Variants in SREBF2 observed in about 807,000 individuals in gnomAD.
SREBF2 encodes the protein sterol regulatory element binding transcription factor 2, also known as sterol regulatory element-binding protein 2.
Under a neutral mutation model 113.1 loss-of-function variants are expected in SREBF2, and 55 were observed. That is an observed-to-expected ratio of 0.49 (90% CI 0.39 to 0.61). The LOEUF (loss-of-function observed/expected upper bound fraction) is 0.61. Among genes scored for constraint, SREBF2 ranks in the 20% least tolerant of loss-of-function variants. The pLI is 0.00. For missense variants in SREBF2, 1,349 were observed against 1,487.4 expected (o/e 0.91, Z 1.53); for synonymous variants, 593 against 605.7 (o/e 0.98, Z 0.31).
intron 11 of SREBF2, among the ~76,000 whole-genome samples, chr22:41,892,073 A>G (rs2077368996): frequency 6.6e-6 from 1 of 152,118 alleles, no homozygotes; most frequent in African/African-American, 2.4e-5. Context: ...TGTTCACATC[A>G]GGGGCTCATG....
At chr22:41,870,834 G>A (rs2077133388) in intron 3 of SREBF2, 55 bp from the exon 4 acceptor site, 1 of 1,603,402 alleles carries the variant, frequency 6.2e-7, no homozygotes, top group African/African-American at 1.3e-5. Context: ...AGAAAGGAAT[G>A]CATAACAGAA....
rs2077495038 is a variant in SREBF2, at chr22:41,905,031, G to A, written c.3205+57G>A. 7 of 1,458,002 alleles carry A rather than the reference G, an allele frequency of 4.8e-6. No individual in the cohort carries two copies. In the Admixed American group the frequency reaches 1.4e-4, roughly 29 times the overall value. 90.3% of individuals were successfully genotyped at this position (1,458,002 alleles called of 1,614,324 possible). Reference sequence around the variant, plus strand: ...GGCCAGGCCCTGCGCCCTAGGAAGAGAGGAGAAGAGGGGCCAGCCCAGCTC... The same window carrying A: ...GGCCAGGCCCTGCGCCCTAGGAAGAAAGGAGAAGAGGGGCCAGCCCAGCTC... On this transcript the variant is annotated intron_variant, in intron 18 of 18. Coordinates refer to ENST00000361204, the MANE Select transcript of SREBF2 (RefSeq NM_004599.4).
intron 9 of SREBF2, 70 bp downstream of exon 9, chr22:41,878,193 G>A: frequency 6.3e-7 from 1 of 1,592,932 alleles, no homozygotes; most frequent in East Asian, 2.2e-5. Flanking sequence ...TCGTGTCAAA[G>A]AAAGTCCTAT....
chr22:41,842,374 A>G (rs866375264), intron 1 of SREBF2, among the ~76,000 whole-genome samples: 1 of 152,230 alleles, frequency 6.6e-6, no homozygotes, highest in Non-Finnish European at 1.5e-5. Flanking sequence ...TTAGCATGCT[A>G]TAAGCCCTGT....
Position 41,906,511 on chromosome 22 carries a change from C to T in SREBF2, c.*851C>T, listed in dbSNP as rs761527639. On this transcript the variant is annotated 3_prime_UTR_variant, in exon 19 of 19. Coordinates refer to ENST00000361204, the MANE Select transcript of SREBF2 (RefSeq NM_004599.4). ...AGCATGGCTTCTAGGTTCCCTCCTC[C>T]CCCTACCCCATCTCCTACCTCCACA... The T allele has an allele frequency of 9.4e-5, 15 of 160,304 alleles. No individual in the cohort carries two copies. The highest frequency in any genetic ancestry group is 1.7e-4 in the Non-Finnish European group (12 of 72,614). 9.9% of individuals were successfully genotyped at this position (160,304 alleles called of 1,614,324 possible). A position where few individuals can be genotyped will look rare whatever the true frequency, so the allele number is the denominator to read the frequency against.
rs1309317660 is a variant in SREBF2, at chr22:41,833,298, C to T, written c.28C>T (p.Leu10=). The T allele has an allele frequency of 4.5e-6, 6 of 1,340,438 alleles. No homozygotes were observed. The highest frequency in any genetic ancestry group is 5.9e-6 in the Non-Finnish European group (6 of 1,019,006). 83.0% of individuals were successfully genotyped at this position (1,340,438 alleles called of 1,614,324 possible). MDDSGELGG[L]ETMETLTELG... Reference sequence around the variant, plus strand: ...GGACGACAGCGGCGAGCTGGGTGGTCTGGAGACCATGGAGACCCTCACGGA... The same window carrying T: ...GGACGACAGCGGCGAGCTGGGTGGTTTGGAGACCATGGAGACCCTCACGGA... The change falls in exon 1 of 19, where the codon CTG becomes TTG. Residue 10 remains leucine (L), a synonymous_variant. Coordinates refer to ENST00000361204, the MANE Select transcript of SREBF2 (RefSeq NM_004599.4). This position sits in a 1 kb window ranked among gnomAD's most constrained non-coding sequence, Gnocchi z 4.1.
At chr22:41,897,297 C>T in intron 14 of SREBF2, 136 bp downstream of exon 14, 1 of 601,152 alleles carries the variant, frequency 1.7e-6, no homozygotes, top group Non-Finnish European at 2.9e-6. Context: ...ACCTGTGGCT[C>T]CAGTTCACAG....
At position 41,900,456 on chromosome 22, in the gene SREBF2, C is replaced by T. The variant is rs2077455831; in HGVS notation, c.2865C>T (p.Ser955=). Residue 955 remains serine (S), a synonymous_variant, in exon 16 of 19, where the codon AGC becomes AGT. Transcript: ENST00000361204. ...CERASGHLWS[S]LNVSGATSDP... The stretch of plus-strand genomic sequence containing the variant: ...GGGCCAGTGGCCACCTATGGAGCAG[C>T]CTCAACGTCAGTGGGGCCACCTCTG... 2 of 1,613,782 alleles carry T rather than the reference C, an allele frequency of 1.2e-6. No homozygotes were observed. The highest frequency in any genetic ancestry group is 4.5e-5 in the East Asian group (2 of 44,892).
chr22:41,851,634 C>G (rs939043276), intron 1 of SREBF2, among the ~76,000 whole-genome samples: 1 of 152,080 alleles, frequency 6.6e-6, no homozygotes, highest in African/African-American at 2.4e-5. Flanking sequence ...GCTGGGATTA[C>G]AGGTGCGTAC....
At chr22:41,848,775 G>A (rs1418543060) in intron 1 of SREBF2, among the ~76,000 whole-genome samples, 1 of 152,082 alleles carries the variant, frequency 6.6e-6, no homozygotes. Context: ...CCCCCTCTTT[G>A]GACTTGGACT....
Position 41,870,785 on chromosome 22 carries a change from A to C in SREBF2, c.721-104A>C. 12 of 1,458,636 alleles carry C rather than the reference A, an allele frequency of 8.2e-6. No individual in the cohort carries two copies. In the South Asian group the frequency reaches 1.4e-4, roughly 17 times the overall value. 90.4% of individuals were successfully genotyped at this position (1,458,636 alleles called of 1,614,324 possible). ...TTTTATTCTCAATTTCATAAAAATT[A>C]TATCATTTCTCATTCTTTCTTGGAA... On this transcript the variant is annotated intron_variant, in intron 3 of 18. Transcript: ENST00000361204.
chr22:41,878,092 A>T lies in SREBF2; in HGVS notation c.1730A>T (p.His577Leu). 2 of 1,614,160 alleles carry T rather than the reference A, an allele frequency of 1.2e-6. No homozygotes were observed. Among genetic ancestry groups the T allele is most frequent in the East Asian group, 2.2e-5 (1 of 44,886 alleles). ...HSRSSVTFWR[H>L]RKQADLDLAR... ...CGCTCCTCGGTCACCTTCTGGAGGC[A>T]CCGGAAACAGGCAGATCTGGATCTC... Residue 577 changes from histidine (H) to leucine (L), a missense_variant, in exon 9 of 19, where the codon CAC becomes CTC. His to Leu is a moderately conservative substitution (Grantham distance 99, BLOSUM62 -3). Around this residue, in one of 2 missense-constraint regions of SREBF2, gnomAD observed 699 missense variants for 843.3 expected, o/e 0.83. Transcript: ENST00000361204.
chr22:41,861,422 G>A (rs535547923), intron 1 of SREBF2, among the ~76,000 whole-genome samples: 1 of 152,092 alleles, frequency 6.6e-6, no homozygotes, highest in African/African-American at 2.4e-5. Context: ...CTTGAACCTG[G>A]GATGTGGAGG....
At chr22:41,873,734 G>A in intron 4 of SREBF2, 64 bp from the exon 5 acceptor site, 1 of 1,525,410 alleles carries the variant, frequency 6.6e-7, no homozygotes, top group Non-Finnish European at 8.9e-7. Flanking sequence ...GCAGGTCTGT[G>A]TTGAGGTTGC....
At chr22:41,896,140 CAAAA>C (rs939627610) in intron 13 of SREBF2, among the ~76,000 whole-genome samples, 4 of 105,504 alleles carry the variant, frequency 3.8e-5, no homozygotes, top group East Asian at 2.8e-4. Context: ...GACTCTGTCT[CAAAA>C]AAAAAAAAAG....
At chr22:41,886,540 G>A (rs2077300710) in intron 11 of SREBF2, among the ~76,000 whole-genome samples, 4 of 152,028 alleles carry the variant, frequency 2.6e-5, no homozygotes, top group Admixed American at 6.6e-5. Context: ...TTTAACTTAC[G>A]GCTTGAAGTG....
At chr22:41,895,466 G>A (rs140305476) in intron 13 of SREBF2, among the ~76,000 whole-genome samples, 1,798 of 117,842 alleles carry the variant, frequency 0.015, 45 homozygotes, top group African/African-American at 0.054. Flanking sequence ...ATGGAGTTTC[G>A]CTCTTGTTGC....
Position 41,906,984 on chromosome 22 carries a change from G to A in SREBF2, c.*1324G>A, listed in dbSNP as rs1040453049. 8.5e-5 allele frequency: 13 copies of A among 152,244 alleles called. No individual in the cohort carries two copies. The highest frequency in any genetic ancestry group is 3.1e-4 in the African/African-American group (13 of 41,452). 9.4% of individuals were successfully genotyped at this position (152,244 alleles called of 1,614,324 possible). A position where few individuals can be genotyped will look rare whatever the true frequency, so the allele number is the denominator to read the frequency against. On this transcript the variant is annotated 3_prime_UTR_variant, in exon 19 of 19. Transcript: ENST00000361204. ...TCATCCTCAGGCTGGTTGGAGCAGA[G>A]GGTGGGCAGGAGCCCCAGCACAGAC...
At chr22:41,851,782 A>C (rs1310406332) in intron 1 of SREBF2, among the ~76,000 whole-genome samples, 1 of 149,416 alleles carries the variant, frequency 6.7e-6, no homozygotes, top group African/African-American at 2.5e-5. Context: ...GGCATGAGCC[A>C]CCGCACCCAG....
Sources: allele counts gnomAD v4.1 joint callset (sites outside exome capture counted in the v4.1 genomes callset), GRCh38; gene constraint gnomAD v4.1.1; regional missense constraint gnomAD v4.1.1; non-coding constraint Gnocchi (gnomAD v3.1); transcripts MANE v1.5; gene names NCBI Gene and HGNC (gene_info 2026-07-23, HGNC 2026-07-21).